ACSS1: variants seen among roughly 807,000 people sequenced by gnomAD.
ACSS1 encodes acetyl-coenzyme A synthetase 2-like, mitochondrial.
A neutral mutation model predicts 75.3 loss-of-function variants in ACSS1; 42 were observed. The observed-to-expected ratio is 0.56, with a 90% CI of 0.44 to 0.72. The LOEUF is 0.72. Among genes scored for constraint, ACSS1 ranks in the 30% least tolerant of loss-of-function variants. The pLI is 0.00. For missense variants in ACSS1, 782 were observed against 935.7 expected, an observed-to-expected ratio of 0.84 and a Z score of 2.14; for synonymous variants, 380 against 376.8, an observed-to-expected ratio of 1.01 and a Z score of -0.10.
chr20:25,030,632 C>T (rs1191255158), intron 3 of ACSS1, 127 bp downstream of exon 3: 7 of 1,090,478 alleles, frequency 6.4e-6, no homozygotes, highest in South Asian at 1.5e-5. Flanking sequence ...GTCCCTAGTA[C>T]GATCTGTCAT....
chr20:25,041,632 C>T (rs1367457877), intron 2 of ACSS1, among the ~76,000 whole-genome samples: 1 of 152,136 alleles, frequency 6.6e-6, no homozygotes, highest in Admixed American at 6.5e-5. Flanking sequence ...ACTGGGAAAA[C>T]ATGCCAGAAA....
chr20:25,029,541 A>T lies in ACSS1; in HGVS notation c.631+1218T>A, dbSNP rs538810254. On this transcript the variant is annotated intron_variant, in intron 3 of 13. Coordinates refer to ENST00000323482, the MANE Select transcript of ACSS1 (RefSeq NM_032501.4). The stretch of plus-strand genomic sequence containing the variant: ...GGTATATACCCCCAAAATTAAAAAC[A>T]GGTGTTCCTATACATGAACATTCAT... Among the ~76,000 whole-genome samples the T allele has an allele frequency of 1.2e-4, 18 of 152,366 alleles. No homozygotes were observed. In the Middle Eastern group the frequency reaches 0.014, roughly 115 times the overall value.
At chr20:25,021,034 G>A (rs555987648) in intron 6 of ACSS1, among the ~76,000 whole-genome samples, 16 of 152,230 alleles carry the variant, frequency 1.1e-4, no homozygotes, top group Admixed American at 2.6e-4. Context: ...CAGAAGTGGC[G>A]GGCAGCTGGC....
intron 9 of ACSS1, 22 bp from the exon 10 acceptor site, chr20:25,013,684 G>A: frequency 3.2e-6 from 5 of 1,582,714 alleles, no homozygotes; most frequent in Non-Finnish European, 4.3e-6. Context: ...GGACATGCAA[G>A]TGAGACAGGG....
chr20:25,056,988 C>T (rs2089251219), intron 1 of ACSS1, among the ~76,000 whole-genome samples: 2 of 152,200 alleles, frequency 1.3e-5, no homozygotes, highest in Admixed American at 6.5e-5. Context: ...CTGTGTACGA[C>T]CCCCAGCCCC....
chr20:25,038,112 G>A (rs73906051), intron 2 of ACSS1, among the ~76,000 whole-genome samples: 1,640 of 152,332 alleles, frequency 0.011, 35 homozygotes, highest in African/African-American at 0.038. Flanking sequence ...CAGGAGACAT[G>A]AGCTGAGTTG....
intron 2 of ACSS1, among the ~76,000 whole-genome samples, chr20:25,047,741 C>T (rs898050179): frequency 6.6e-6 from 1 of 152,046 alleles, no homozygotes; most frequent in Admixed American, 6.5e-5. Flanking sequence ...CAGTGCAGAC[C>T]GCCCAAAGCA....
rs1380465665 is a variant in ACSS1, at chr20:25,034,798, C to T, written c.432-3840G>A. Among the ~76,000 whole-genome samples, 2 of 152,018 alleles carry T rather than the reference C, an allele frequency of 1.3e-5. 1 individual carries two copies. Among genetic ancestry groups the T allele is most frequent in the Admixed American group, 1.3e-4 (2 of 15,250 alleles). On this transcript the variant is annotated intron_variant, in intron 2 of 13. Transcript: ENST00000323482. Reference sequence around the variant, plus strand: ...GGTCAGGCTGGTCTTGAACTCCCGACCTCAGGAGATCCACCCACCTCGGCC... The same window carrying T: ...GGTCAGGCTGGTCTTGAACTCCCGATCTCAGGAGATCCACCCACCTCGGCC...
rs368749470 is a variant in ACSS1 at position 25,023,033 on chromosome 20, G to A, written c.867C>T (p.Leu289=). 5.1e-5 allele frequency: 83 copies of A among 1,614,006 alleles called. No individual in the cohort carries two copies. The highest frequency in any genetic ancestry group is 6.5e-5 in the Non-Finnish European group (77 of 1,180,036). The change falls in exon 5 of 14, where the codon CTC becomes CTT. Residue 289 remains leucine, a synonymous_variant. Coordinates refer to ENST00000323482, the MANE Select transcript of ACSS1 (RefSeq NM_032501.4). Reference sequence around the variant, plus strand: ...TGCTCCCTGAGGTGTACAGCATGAAGAGCATGTCCTCACTGCCCATGCTCT... The same window carrying A: ...TGCTCCCTGAGGTGTACAGCATGAAAAGCATGTCCTCACTGCCCATGCTCT... ...APESMGSEDM[L]FMLYTSGSTG... is the part of the protein sequence containing the mutation.
chr20:25,018,067 A>G (rs912804233), intron 7 of ACSS1, among the ~76,000 whole-genome samples: 1 of 152,182 alleles, frequency 6.6e-6, no homozygotes, highest in Non-Finnish European at 1.5e-5. Flanking sequence ...CTCACCACTT[A>G]TTATGGTTTG....
Position 25,007,343 on chromosome 20 carries a change from A to T in ACSS1, c.*419T>A, listed in dbSNP as rs2088325827. On this transcript the variant is annotated 3_prime_UTR_variant, in exon 14 of 14. Coordinates refer to ENST00000323482, the MANE Select transcript of ACSS1 (RefSeq NM_032501.4). ...GTTCTTCCACAATATAAAAGTATAA[A>T]AATAAGATTTCTGACCTTTGTATCT... 3.7e-6 allele frequency: 4 copies of T among 1,072,388 alleles called. No homozygotes were observed. Among genetic ancestry groups the T allele is most frequent in the Non-Finnish European group, 3.4e-6 (3 of 884,856 alleles). 66.4% of individuals were successfully genotyped at this position (1,072,388 alleles called of 1,614,324 possible).
chr20:25,050,091 A>C (rs1568850596), intron 1 of ACSS1, among the ~76,000 whole-genome samples: 1 of 152,170 alleles, frequency 6.6e-6, no homozygotes, highest in Non-Finnish European at 1.5e-5. Flanking sequence ...GAGAAAATTA[A>C]TACACGGGTA....
At chr20:25,013,815 G>A (rs2088465617) in intron 9 of ACSS1, 146 bp downstream of exon 9, 3 of 1,323,912 alleles carry the variant, frequency 2.3e-6, no homozygotes, top group African/African-American at 2.9e-5. Flanking sequence ...ACTACCCAGT[G>A]CATGATACCA....
intron 1 of ACSS1, among the ~76,000 whole-genome samples, chr20:25,049,568 G>A (rs907774002): frequency 6.6e-6 from 1 of 152,174 alleles, no homozygotes; most frequent in Non-Finnish European, 1.5e-5. Flanking sequence ...ACACAAGGCC[G>A]GTGGCGGCAG....
At chr20:25,021,614 C>A (rs575739009) in intron 5 of ACSS1, 78 bp from the exon 6 acceptor site, 1 of 1,550,858 alleles carries the variant, frequency 6.4e-7, no homozygotes, top group Admixed American at 1.8e-5. Context: ...AGGAAATAGG[C>A]ATGCATAGGC....
intron 2 of ACSS1, among the ~76,000 whole-genome samples, chr20:25,042,506 G>GTCAC (rs2089020897): frequency 6.6e-6 from 1 of 152,150 alleles, no homozygotes; most frequent in Admixed American, 6.5e-5. Flanking sequence ...CAGCCGCTGT[G>GTCAC]TCACACACGG....
At chr20:25,013,823 C>T in intron 9 of ACSS1, 138 bp downstream of exon 9, 1 of 1,317,956 alleles carries the variant, frequency 7.6e-7, no homozygotes, top group Non-Finnish European at 1.0e-6. Context: ...GTGCATGATA[C>T]CAGCTGCAGT....
rs371693054 is a variant in ACSS1, at chr20:25,013,837, C to T, written c.1452+124G>A. ...AGTGCATGATACCAGCTGCAGTGAA[C>T]GCTGCAAGGTCAGCAGCCTCCTGCC... On this transcript the variant is annotated intron_variant, in intron 9 of 13. Transcript: ENST00000323482. 726 of 1,329,928 alleles carry T rather than the reference C, an allele frequency of 5.5e-4. 9 individuals are homozygous for T. The South Asian group carries it at 9.0e-3, about 17-fold the overall frequency. The allele number at this position is 1,329,928 out of a possible 1,614,324, so 82.4% of individuals were successfully genotyped here. A position where few individuals can be genotyped will look rare whatever the true frequency, so the allele number is the denominator to read the frequency against.
chr20:25,032,677 T>G (rs2088847414), intron 2 of ACSS1: 1 of 1,203,148 alleles, frequency 8.3e-7, no homozygotes, highest in Non-Finnish European at 1.0e-6. Context: ...ATAGCTCTCC[T>G]CTGTTCAAAG....
Sources: gnomAD v4.1 joint callset for allele counts (sites outside exome capture counted in the v4.1 genomes callset) on GRCh38, gnomAD v4.1.1 for gene constraint, MANE v1.5 for transcripts, NCBI Gene and HGNC (gene_info 2026-07-23, HGNC 2026-07-21) for gene names.